Variants in ERC2 observed in about 807,000 individuals in gnomAD.
The protein encoded by ERC2 is ELKS/RAB6-interacting/CAST family member 2.
Under a neutral mutation model 114.8 loss-of-function variants are expected in ERC2, and 42 were observed. The observed-to-expected ratio is 0.37, with a 90% CI of 0.29 to 0.47. The LOEUF is 0.47. Among genes scored for constraint, ERC2 ranks in the 20% least tolerant of loss-of-function variants. The pLI, the probability that ERC2 is intolerant of heterozygous loss-of-function variation, is 0.99. For synonymous variants in ERC2, 454 were observed against 425.5 expected (o/e 1.07, Z -0.82); for missense variants, 939 against 1,150.7 (o/e 0.82, Z 2.66).
intron 2 of ERC2, among the ~76,000 whole-genome samples, chr3:56,432,727 A>G (rs1250362727): frequency 6.6e-6 from 1 of 152,224 alleles, no homozygotes; most frequent in Non-Finnish European, 1.5e-5. Flanking sequence ...TGACTCCAAG[A>G]AAGGCAGAGC....
At chr3:56,369,875 C>A (rs1172836184) in intron 2 of ERC2, among the ~76,000 whole-genome samples, 1 of 151,984 alleles carries the variant, frequency 6.6e-6, no homozygotes, top group East Asian at 1.9e-4. Context: ...CGGGGTTTCA[C>A]CATTTTGGCC....
intron 17 of ERC2, among the ~76,000 whole-genome samples, chr3:55,518,216 G>A (rs977449700): frequency 2.0e-5 from 3 of 152,172 alleles, no homozygotes; most frequent in Admixed American, 2.0e-4. Context: ...TACACAATTG[G>A]TTGACTGTGC....
intron 14 of ERC2, among the ~76,000 whole-genome samples, chr3:55,829,771 T>G (rs975395930): frequency 9.2e-5 from 14 of 152,174 alleles, no homozygotes; most frequent in African/African-American, 2.7e-4. Flanking sequence ...GTGATCCTCC[T>G]GCCTCAGCCT....
intron 3 of ERC2, among the ~76,000 whole-genome samples, chr3:56,275,221 T>G (rs1157998174): frequency 6.6e-6 from 1 of 152,184 alleles, no homozygotes; most frequent in African/African-American, 2.4e-5. Flanking sequence ...ATAAGCAGAT[T>G]TTTTTATGAC....
intron 4 of ERC2, among the ~76,000 whole-genome samples, chr3:56,154,885 G>T (rs1407480772): frequency 6.6e-6 from 1 of 152,122 alleles, no homozygotes; most frequent in Non-Finnish European, 1.5e-5. Flanking sequence ...AATGTAGTAA[G>T]TCCCTACTAA....
intron 6 of ERC2, among the ~76,000 whole-genome samples, chr3:56,133,598 T>G (rs2080332786): frequency 6.6e-6 from 1 of 152,236 alleles, no homozygotes; most frequent in Non-Finnish European, 1.5e-5. Flanking sequence ...TACCTCTGTA[T>G]GACCTTGAGC....
chr3:55,645,688 G>C (rs1169141877), intron 17 of ERC2, among the ~76,000 whole-genome samples: 2 of 152,142 alleles, frequency 1.3e-5, no homozygotes, highest in Non-Finnish European at 2.9e-5. Context: ...TCGACACAGT[G>C]GGGGGCCCAC....
chr3:55,717,186 CT>C (rs1222371204), intron 15 of ERC2, among the ~76,000 whole-genome samples: 4 of 152,144 alleles, frequency 2.6e-5, no homozygotes, highest in Non-Finnish European at 5.9e-5. Context: ...AAGACTGTGC[CT>C]TGAGACAGCC....
chr3:56,408,102 C>T (rs1471414538), intron 2 of ERC2, among the ~76,000 whole-genome samples: 8 of 152,144 alleles, frequency 5.3e-5, no homozygotes, highest in Non-Finnish European at 7.4e-5. Flanking sequence ...ATGTCCACCT[C>T]ACCCCACCAG....
In ERC2 at chr3:55,621,518, C is replaced by T. The variant is rs1249598540; in HGVS notation, c.*39+62276G>A. Among the ~76,000 whole-genome samples, 5 of 152,282 alleles carry T rather than the reference C, an allele frequency of 3.3e-5. No individual in the cohort carries two copies. The South Asian group carries it at 6.2e-4, about 19-fold the overall frequency. ...GCCGTTTCTTCTTTTAACAAGGCCC[C>T]CAAGCACTGATTTCAGGCACTGTAC... On this transcript the variant is annotated intron_variant, in intron 17 of 17. Transcript: ENST00000288221.
chr3:56,064,561 C>G (rs114402672), intron 7 of ERC2, among the ~76,000 whole-genome samples: 1 of 152,190 alleles, frequency 6.6e-6, no homozygotes, highest in Non-Finnish European at 1.5e-5. Context: ...AGCTACAGAA[C>G]GCAACAGAAA....
rs947342867 is a variant in ERC2, at chr3:56,323,795, A to C, written c.658-27360T>G. 9.8e-5 allele frequency among the ~76,000 whole-genome samples: 15 copies of C among 152,320 alleles called. 1 individual carries two copies. In the East Asian group the frequency reaches 2.5e-3, roughly 25 times the overall value. On this transcript the variant is annotated intron_variant, in intron 2 of 17. Transcript: ENST00000288221. Reference sequence around the variant, plus strand: ...AGTCACAGCCTTCCTCATTCGCAGGAGGTTAAAACCACTGTGGAAAAAACA... The same window carrying C: ...AGTCACAGCCTTCCTCATTCGCAGGCGGTTAAAACCACTGTGGAAAAAACA...
At chr3:56,064,487 T>C (rs2076382051) in intron 7 of ERC2, among the ~76,000 whole-genome samples, 2 of 152,126 alleles carry the variant, frequency 1.3e-5, no homozygotes, top group Non-Finnish European at 2.9e-5. Flanking sequence ...TGTCAATGAG[T>C]GCTATTCATT....
At chr3:56,404,946 A>T (rs923856628) in intron 2 of ERC2, among the ~76,000 whole-genome samples, 7 of 152,174 alleles carry the variant, frequency 4.6e-5, no homozygotes, top group African/African-American at 1.7e-4. Flanking sequence ...TAGCATTTGT[A>T]CTGGTTTGAT....
chr3:55,516,383 A>T (rs2052507679), intron 17 of ERC2, among the ~76,000 whole-genome samples: 1 of 152,218 alleles, frequency 6.6e-6, no homozygotes, highest in Non-Finnish European at 1.5e-5. Flanking sequence ...AAGTGGCAAC[A>T]AATTATGTTA....
intron 13 of ERC2, among the ~76,000 whole-genome samples, chr3:55,897,577 G>C (rs1178827094): frequency 1.3e-5 from 2 of 152,132 alleles, no homozygotes; most frequent in Non-Finnish European, 2.9e-5. Flanking sequence ...TTGGTCCTGT[G>C]GGAATAGCTG....
At chr3:56,299,614 G>A (rs1021048237) in intron 2 of ERC2, among the ~76,000 whole-genome samples, 1 of 151,520 alleles carries the variant, frequency 6.6e-6, no homozygotes, top group African/African-American at 2.4e-5. Context: ...ATTTTTTGTA[G>A]AGATGAGGTA....
intron 16 of ERC2, among the ~76,000 whole-genome samples, chr3:55,688,637 G>A (rs1292249826): frequency 6.6e-6 from 1 of 152,106 alleles, no homozygotes; most frequent in Non-Finnish European, 1.5e-5. Flanking sequence ...GGGTCCCTCT[G>A]GCTCTTGGAA....
intron 2 of ERC2, among the ~76,000 whole-genome samples, chr3:56,367,264 A>T (rs11130517): frequency 0.013 from 1,804 of 142,840 alleles, 61 homozygotes; most frequent in African/African-American, 0.043. Flanking sequence ...AATGGGCAGC[A>T]TTTTTTTTTT....
Sources: gnomAD v4.1 joint callset for allele counts (sites outside exome capture counted in the v4.1 genomes callset) on GRCh38, gnomAD v4.1.1 for gene constraint, MANE v1.5 for transcripts, NCBI Gene and HGNC (gene_info 2026-07-23, HGNC 2026-07-21) for gene names.